The following UBE4B variants were observed in gnomAD, a reference collection of about 807,000 sequenced individuals.
UBE4B encodes ubiquitination factor E4B.
In UBE4B, 27 loss-of-function variants were observed where a neutral mutation model predicts 148.1. That is an observed-to-expected ratio of 0.18 (90% CI 0.13 to 0.25). The LOEUF is 0.25. Among genes scored for constraint, UBE4B ranks in the 10% least tolerant of loss-of-function variants. The pLI is 1.00. For missense variants in UBE4B, 1,170 were observed against 1,662.4 expected, an observed-to-expected ratio of 0.70 and a Z score of 5.15; for synonymous variants, 596 against 619.3, an observed-to-expected ratio of 0.96 and a Z score of 0.56.
At chr1:10,125,922 ATTTAAG>A (rs147186349) in intron 10 of UBE4B, among the ~76,000 whole-genome samples, 2,626 of 152,280 alleles carry the variant, frequency 0.017, 33 homozygotes, top group Non-Finnish European at 0.027. Flanking sequence ...CTTTGCTCTA[ATTTAAG>A]TTTAATGTAG....
At chr1:10,175,448 G>C (rs567379235) in intron 25 of UBE4B, among the ~76,000 whole-genome samples, 2 of 151,488 alleles carry the variant, frequency 1.3e-5, no homozygotes, top group South Asian at 2.1e-4. Flanking sequence ...TCAGGAGATC[G>C]AGACCGTCCT....
intron 7 of UBE4B, among the ~76,000 whole-genome samples, chr1:10,109,841 G>A (rs548577040): frequency 3.3e-5 from 5 of 152,058 alleles, no homozygotes; most frequent in Non-Finnish European, 5.9e-5. Context: ...AGCAGAGACA[G>A]GATTTCACCA....
At chr1:10,160,770 G>T (rs527533640) in intron 22 of UBE4B, among the ~76,000 whole-genome samples, 1 of 152,144 alleles carries the variant, frequency 6.6e-6, no homozygotes, top group African/African-American at 2.4e-5. Context: ...AACATAACAA[G>T]TCCCTGTCTC....
chr1:10,092,263 C>T (rs1322674165), intron 2 of UBE4B, among the ~76,000 whole-genome samples: 1 of 152,070 alleles, frequency 6.6e-6, no homozygotes, highest in African/African-American at 2.4e-5. Context: ...CTTGCTCTGT[C>T]ACCCAGGCCG....
At chr1:10,092,313 C>T (rs1300293372) in intron 2 of UBE4B, among the ~76,000 whole-genome samples, 2 of 152,144 alleles carry the variant, frequency 1.3e-5, no homozygotes, top group African/African-American at 4.8e-5. Flanking sequence ...CAACCTCCGC[C>T]TCCCAGGTTA....
chr1:10,106,053 T>A lies in UBE4B; in HGVS notation c.810-144T>A. 1.0e-6 allele frequency: 1 copy of A among 998,632 alleles called. No individual in the cohort carries two copies. 61.9% of individuals were successfully genotyped at this position (998,632 alleles called of 1,614,324 possible). A position where few individuals can be genotyped will look rare whatever the true frequency, so the allele number is the denominator to read the frequency against. ...CTCTAGATCAATAGGGCAATTAGATTATAATTATTTAGATGTTTATCTGCT... is the reference window on the plus strand; with the variant it reads ...CTCTAGATCAATAGGGCAATTAGATAATAATTATTTAGATGTTTATCTGCT... On this transcript the variant is annotated intron_variant, in intron 6 of 27. Transcript: ENST00000343090. This position sits in a 1 kb window ranked among gnomAD's most constrained non-coding sequence, Gnocchi z 4.2.
intron 1 of UBE4B, among the ~76,000 whole-genome samples, chr1:10,051,750 A>G (rs532908591): frequency 2.6e-5 from 4 of 152,314 alleles, no homozygotes; most frequent in Non-Finnish European, 2.9e-5. Flanking sequence ...TATCAGGACT[A>G]AAGAATACAG....
At chr1:10,049,267 T>C (rs1336098799) in intron 1 of UBE4B, among the ~76,000 whole-genome samples, 1 of 152,196 alleles carries the variant, frequency 6.6e-6, no homozygotes, top group African/African-American at 2.4e-5. Flanking sequence ...GACCTGGTCT[T>C]TACCTTCAGT....
At chr1:10,149,488 A>G (rs1382543351) in intron 20 of UBE4B, among the ~76,000 whole-genome samples, 1 of 152,224 alleles carries the variant, frequency 6.6e-6, no homozygotes, top group African/African-American at 2.4e-5. Context: ...GGCAGGATTA[A>G]CAGTGCAGAT....
intron 2 of UBE4B, among the ~76,000 whole-genome samples, chr1:10,074,083 C>T (rs1301239263): frequency 6.6e-6 from 1 of 152,050 alleles, no homozygotes; most frequent in African/African-American, 2.4e-5. Flanking sequence ...GGACTATAGG[C>T]ATGTGCCACC....
rs72864146 is a variant in UBE4B at position 10,177,992 on chromosome 1, G to A, written c.3526-652G>A. 4.3e-3 allele frequency among the ~76,000 whole-genome samples: 648 copies of A among 151,992 alleles called. 4 individuals are homozygous for A. The highest frequency in any genetic ancestry group is 0.015 in the African/African-American group (603 of 41,468). On this transcript the variant is annotated intron_variant, in intron 25 of 27. Transcript: ENST00000343090. ...AGATTTGTCTGGGTCCACGGTGGGC[G>A]CCTGACCTCCACTCCACAACTTCCC...
chr1:10,088,106 G>T (rs1233965516), intron 2 of UBE4B, among the ~76,000 whole-genome samples: 1 of 152,044 alleles, frequency 6.6e-6, no homozygotes, highest in Admixed American at 6.6e-5. Context: ...TTCTAGCACC[G>T]TATGATGCTC....
At chr1:10,156,199 T>C (rs1646067776) in intron 21 of UBE4B, among the ~76,000 whole-genome samples, 1 of 150,982 alleles carries the variant, frequency 6.6e-6, no homozygotes, top group South Asian at 2.1e-4. Flanking sequence ...AAAAAAAAAC[T>C]GTTGGGAGAA....
chr1:10,071,924 A>G (rs1169222966), intron 1 of UBE4B, 104 bp from the exon 2 acceptor site: 3 of 1,145,374 alleles, frequency 2.6e-6, no homozygotes, highest in African/African-American at 1.6e-5. Flanking sequence ...CTGAAGGCAT[A>G]TTGAGTTGTT....
intron 20 of UBE4B, among the ~76,000 whole-genome samples, chr1:10,149,702 G>A (rs1334532421): frequency 6.6e-6 from 1 of 152,126 alleles, no homozygotes; most frequent in Non-Finnish European, 1.5e-5. Context: ...AACTGGTATT[G>A]TAGGGTTTTA....
intron 1 of UBE4B, among the ~76,000 whole-genome samples, chr1:10,054,044 G>A (rs1054945410): frequency 3.3e-5 from 5 of 151,734 alleles, no homozygotes; most frequent in Admixed American, 6.6e-5. Context: ...TGTTGTTGGG[G>A]TAGTAATTAG....
At chr1:10,143,681 CA>C (rs1158470319) in intron 17 of UBE4B, among the ~76,000 whole-genome samples, 2 of 152,170 alleles carry the variant, frequency 1.3e-5, no homozygotes, top group Admixed American at 1.3e-4. Context: ...TTTTGTCTAC[CA>C]TACTCATGTT....
At position 10,131,436 on chromosome 1, in the gene UBE4B, G is replaced by T. The variant is rs7512714; in HGVS notation, c.1911+623G>T. ...GGAGGTGGAGGTTGCAGTGAGCCAA[G>T]ATCACGCCACTGCACATCAGCCTGG... On this transcript the variant is annotated intron_variant, in intron 14 of 27. Coordinates refer to ENST00000343090, the MANE Select transcript of UBE4B (RefSeq NM_001105562.3). Among the ~76,000 whole-genome samples, 1,414 of 152,194 alleles carry T rather than the reference G, an allele frequency of 9.3e-3. 13 individuals carry two copies. Among genetic ancestry groups the T allele is most frequent in the African/African-American group, 0.031 (1,288 of 41,510 alleles).
In UBE4B at chr1:10,161,029, C is replaced by T. The variant is rs1224586600; in HGVS notation, c.3054-113C>T. 8 of 1,232,760 alleles carry T rather than the reference C, an allele frequency of 6.5e-6. No individual in the cohort carries two copies. The East Asian group carries it at 1.9e-4, about 29-fold the overall frequency. 76.4% of individuals were successfully genotyped at this position (1,232,760 alleles called of 1,614,324 possible). On this transcript the variant is annotated intron_variant, in intron 22 of 27. Transcript: ENST00000343090. This position sits in a 1 kb window ranked among gnomAD's most constrained non-coding sequence, Gnocchi z 4.1. ...CCTGACTTGTGCCAGGGTAGCCAGGCTTTTAGGGTGAGATAGTTGCAGTCT... is the reference window on the plus strand; with the variant it reads ...CCTGACTTGTGCCAGGGTAGCCAGGTTTTTAGGGTGAGATAGTTGCAGTCT...
Sources: allele counts gnomAD v4.1 joint callset (sites outside exome capture counted in the v4.1 genomes callset), GRCh38; gene constraint gnomAD v4.1.1; non-coding constraint Gnocchi (gnomAD v3.1); transcripts MANE v1.5; gene names NCBI Gene and HGNC (gene_info 2026-07-23, HGNC 2026-07-21).